PDIA3: variants seen among roughly 807,000 people sequenced by gnomAD.
PDIA3 encodes the protein protein disulfide-isomerase A3.
PDIA3 carries 16 observed loss-of-function variants against 56.9 expected under a neutral mutation model. That is an observed-to-expected ratio of 0.28 (90% confidence interval 0.19 to 0.43). The LOEUF is 0.43. Ranked by LOEUF, PDIA3 falls within the 20% of genes least tolerant of loss-of-function variation. The pLI is 1.00. For missense variants in PDIA3, 485 were observed against 621.3 expected (o/e 0.78, Z 2.33); for synonymous variants, 192 against 216.5 (o/e 0.89, Z 0.99).
At chr15:43,757,269 T>TGGGCCG (rs1330596612) in intron 3 of PDIA3, among the ~76,000 whole-genome samples, 6 of 152,062 alleles carry the variant, frequency 3.9e-5, no homozygotes, top group Non-Finnish European at 7.4e-5. Flanking sequence ...ATAAAAAGTT[T>TGGGCCG]GGGCCGGGGC....
chr15:43,752,535 C>T (rs951363996), intron 1 of PDIA3, among the ~76,000 whole-genome samples: 32 of 152,322 alleles, frequency 2.1e-4, no homozygotes, highest in African/African-American at 7.2e-4. Flanking sequence ...ATAGCCAGTA[C>T]ATTTGAAGTC....
intron 1 of PDIA3, chr15:43,746,964 C>T (rs1382614071): frequency 5.4e-6 from 3 of 553,538 alleles, no homozygotes; most frequent in African/African-American, 1.9e-5. Context: ...GTGGCACTTC[C>T]TATTTGCAGA....
rs748839188 is a variant in PDIA3 at position 43,768,550 on chromosome 15, T to G, written c.1090T>G (p.Tyr364Asp). 6.2e-7 allele frequency: 1 copy of G among 1,613,934 alleles called. No individual in the cohort carries two copies. Among genetic ancestry groups the G allele is most frequent in the Admixed American group, 1.7e-5 (1 of 60,002 alleles). Residue 364 changes from tyrosine to aspartate, a missense_variant, in exon 9 of 13, where the codon TAC becomes GAC. Coordinates refer to ENST00000300289, the MANE Select transcript of PDIA3 (RefSeq NM_005313.5). ...QDYFDGNLKRYLKSEPIPESN... is the reference protein window; with the variant it reads ...QDYFDGNLKRDLKSEPIPESN... ...TTACTTTGATGGCAATCTGAAGAGA[T>G]ACCTGAAGTCTGAACCTATCCCAGA...
At chr15:43,766,035 C>T in intron 7 of PDIA3, 23 bp downstream of exon 7, 1 of 1,610,070 alleles carries the variant, frequency 6.2e-7, no homozygotes, top group Non-Finnish European at 8.5e-7. Context: ...ATGTTTTTCC[C>T]TCATGAACAA....
At chr15:43,756,805 G>C in intron 3 of PDIA3, 39 bp downstream of exon 3, 1 of 1,084,882 alleles carries the variant, frequency 9.2e-7, no homozygotes, top group Non-Finnish European at 1.4e-6. Flanking sequence ...CTGATGTTAA[G>C]TACCTTATTC....
At chr15:43,752,102 G>A (rs1432705454) in intron 1 of PDIA3, among the ~76,000 whole-genome samples, 1 of 152,136 alleles carries the variant, frequency 6.6e-6, no homozygotes, top group Non-Finnish European at 1.5e-5. Flanking sequence ...GCTGATTGAC[G>A]TAGTCTTAGT....
rs989874231 is a variant in PDIA3, at chr15:43,772,794, A to G, written c.*1576A>G. On this transcript the variant is annotated 3_prime_UTR_variant, in exon 13 of 13. Coordinates refer to ENST00000300289, the MANE Select transcript of PDIA3 (RefSeq NM_005313.5). ...AAAATTCACTTAGTTTGGTTTGTCT[A>G]ATGTCCTCATTATTTTATCCTGAAG... is the stretch of plus-strand genomic sequence containing the variant. The G allele has an allele frequency of 3.8e-5, 8 of 210,156 alleles. No homozygotes were observed. The highest frequency in any genetic ancestry group is 1.4e-4 in the African/African-American group (6 of 43,608). The allele number at this position is 210,156 out of a possible 1,614,324, so 13.0% of individuals were successfully genotyped here. A position where few individuals can be genotyped will look rare whatever the true frequency, so the allele number is the denominator to read the frequency against.
At chr15:43,746,853 T>G in intron 1 of PDIA3, 147 bp downstream of exon 1, 1 of 899,790 alleles carries the variant, frequency 1.1e-6, no homozygotes, top group South Asian at 1.6e-5. Flanking sequence ...TCCCGGGAGC[T>G]GGAGGCGCCT....
chr15:43,770,361 A>AGG (rs766769217), intron 11 of PDIA3, 32 bp downstream of exon 11: 1 of 1,554,488 alleles, frequency 6.4e-7, no homozygotes, highest in Non-Finnish European at 8.9e-7. Flanking sequence ...AAAAGTGTCT[A>AGG]GGCAATAGAT....
intron 2 of PDIA3, among the ~76,000 whole-genome samples, chr15:43,754,392 CA>C (rs1048781007): frequency 0.013 from 683 of 51,218 alleles, no homozygotes; most frequent in African/African-American, 0.023. Context: ...GACTCCGTCT[CA>C]AAAAAAAAAA....
intron 2 of PDIA3, among the ~76,000 whole-genome samples, chr15:43,756,008 C>G (rs1208248768): frequency 6.6e-6 from 1 of 151,916 alleles, no homozygotes; most frequent in Admixed American, 6.6e-5. Context: ...CATCTTAGAG[C>G]ATAAGGATCA....
chr15:43,754,738 CA>C (rs2086766450), intron 2 of PDIA3, among the ~76,000 whole-genome samples: 1 of 151,010 alleles, frequency 6.6e-6, no homozygotes, highest in South Asian at 2.1e-4. Context: ...AGTGTAATCC[CA>C]GTACTTTGGG....
At position 43,746,448 on chromosome 15, in the gene PDIA3, G is replaced by A. The variant is rs1278500483; in HGVS notation, c.-92G>A. The A allele has an allele frequency of 3.9e-6, 5 of 1,266,366 alleles. No individual in the cohort carries two copies. The African/African-American group carries it at 4.7e-5, about 12-fold the overall frequency. The allele number at this position is 1,266,366 out of a possible 1,614,324, so 78.4% of individuals were successfully genotyped here. ...AGGTCCGCCTGGGCCAGACGCGCGA[G>A]CGCAAGCAGCGGGTTAGTGGTCGCG... On this transcript the variant is annotated 5_prime_UTR_variant, in exon 1 of 13. Coordinates refer to ENST00000300289, the MANE Select transcript of PDIA3 (RefSeq NM_005313.5).
At chr15:43,763,041 A>C in intron 4 of PDIA3, 36 bp from the exon 5 acceptor site, 2 of 1,604,434 alleles carry the variant, frequency 1.2e-6, no homozygotes, top group Admixed American at 1.7e-5. Flanking sequence ...GTCAGCACTT[A>C]TTGCTTCTTC....
chr15:43,746,751 C>T lies in PDIA3; in HGVS notation c.167+45C>T, dbSNP rs376418455. 2.7e-4 allele frequency: 437 copies of T among 1,603,446 alleles called. 5 individuals are homozygous for T. In the South Asian group the frequency reaches 3.8e-3, roughly 14 times the overall value. On this transcript the variant is annotated intron_variant, in intron 1 of 12. Coordinates refer to ENST00000300289, the MANE Select transcript of PDIA3 (RefSeq NM_005313.5). Reference sequence around the variant, plus strand: ...GCGGGGGAAGAAAGGCGGGGCTGGGCCGGGGGCGAGAGCGCGGGGAACTGT... The same window carrying T: ...GCGGGGGAAGAAAGGCGGGGCTGGGTCGGGGGCGAGAGCGCGGGGAACTGT...
At chr15:43,757,940 A>T (rs1032523625) in intron 3 of PDIA3, among the ~76,000 whole-genome samples, 1 of 142,524 alleles carries the variant, frequency 7.0e-6, no homozygotes, top group African/African-American at 2.6e-5. Context: ...GCTACTATTT[A>T]AAAAAAAAAA....
rs374134746 is a variant in PDIA3, at chr15:43,766,945, A to G, written c.1028+35A>G. 3.3e-5 allele frequency: 52 copies of G among 1,580,542 alleles called. 2 individuals carry two copies. The highest frequency in any genetic ancestry group is 1.1e-4 in the East Asian group (5 of 44,734). ...TAGTTGGGCTTTGATTCTCCAAGGC[A>G]ATTATTAAAGCCTTTTATACTACAA... On this transcript the variant is annotated intron_variant, in intron 8 of 12. Coordinates refer to ENST00000300289, the MANE Select transcript of PDIA3 (RefSeq NM_005313.5).
chr15:43,762,437 G>A (rs1460242197), intron 4 of PDIA3, among the ~76,000 whole-genome samples: 1 of 151,846 alleles, frequency 6.6e-6, no homozygotes, highest in Non-Finnish European at 1.5e-5. Context: ...CTTGAACCCG[G>A]GAGGCGGAGG....
At position 43,771,990 on chromosome 15, in the gene PDIA3, G is replaced by GGT. The variant is rs2086884643; in HGVS notation, c.*776_*777dup. ...CTCTGCTCAGAAATGCCCTGTCAAG[G>GGT]GTGTGGCATCACGCAGTTTCATCCA... On this transcript the variant is annotated 3_prime_UTR_variant, in exon 13 of 13. Coordinates refer to ENST00000300289, the MANE Select transcript of PDIA3 (RefSeq NM_005313.5). The GGT allele has an allele frequency of 5.5e-6, 1 of 182,530 alleles. No homozygotes were observed. The highest frequency in any genetic ancestry group is 2.3e-5 in the African/African-American group (1 of 42,938). 11.3% of individuals were successfully genotyped at this position (182,530 alleles called of 1,614,324 possible). A position where few individuals can be genotyped will look rare whatever the true frequency, so the allele number is the denominator to read the frequency against.
Sources: allele counts gnomAD v4.1 joint callset (sites outside exome capture counted in the v4.1 genomes callset), GRCh38; gene constraint gnomAD v4.1.1; transcripts MANE v1.5; gene names NCBI Gene and HGNC (gene_info 2026-07-23, HGNC 2026-07-21).